Variants in TMCC1 observed in about 807,000 individuals in gnomAD.
TMCC1 encodes the protein transmembrane and coiled-coil domains protein 1.
In TMCC1, 15 loss-of-function variants were observed where a neutral mutation model predicts 52.4. The ratio of observed to expected loss-of-function variants is 0.29; its 90% CI spans 0.19 to 0.44. The LOEUF is 0.44. Among genes scored for constraint, TMCC1 ranks in the 20% least tolerant of loss-of-function variants. The pLI, the probability that TMCC1 is intolerant of heterozygous loss-of-function variation, is 1.00. For synonymous variants in TMCC1, 279 were observed against 301.9 expected (o/e 0.92, Z 0.79); for missense variants, 503 against 806.0 (o/e 0.62, Z 4.55).
At chr3:129,701,887 A>G (rs2047863845) in intron 4 of TMCC1, among the ~76,000 whole-genome samples, 5 of 152,210 alleles carry the variant, frequency 3.3e-5, no homozygotes, top group Admixed American at 3.3e-4. Context: ...ATTTCCAAGT[A>G]CTACTTACAA....
chr3:129,859,651 TACACACACACAC>T (rs59213877), intron 2 of TMCC1, among the ~76,000 whole-genome samples: 1,616 of 147,918 alleles, frequency 0.011, 13 homozygotes, highest in Non-Finnish European at 0.017. Context: ...CACACACACA[TACACACACACAC>T]ACACACACAC....
In TMCC1 at chr3:129,821,886, A is replaced by G. The variant is rs370684765; in HGVS notation, c.576+5917T>C. Among the ~76,000 whole-genome samples, 7 of 152,084 alleles carry G rather than the reference A, an allele frequency of 4.6e-5. No individual in the cohort carries two copies. The East Asian group carries it at 1.4e-3, about 30-fold the overall frequency. Reference sequence around the variant, plus strand: ...TCAAGACCAGCCTGGGCAACACCGCAAAACTCCTCTACAAAAAAATACAAA... The same window carrying G: ...TCAAGACCAGCCTGGGCAACACCGCGAAACTCCTCTACAAAAAAATACAAA... On this transcript the variant is annotated intron_variant, in intron 4 of 6. Transcript: ENST00000393238.
Position 129,806,329 on chromosome 3 carries a change from C to T in TMCC1, c.576+21474G>A, listed in dbSNP as rs114177348. 7.0e-3 allele frequency among the ~76,000 whole-genome samples: 1,067 copies of T among 152,292 alleles called. 11 individuals carry two copies. Among genetic ancestry groups the T allele is most frequent in the African/African-American group, 0.024 (1,018 of 41,552 alleles). On this transcript the variant is annotated intron_variant, in intron 4 of 6. Coordinates refer to ENST00000393238, the MANE Select transcript of TMCC1 (RefSeq NM_001017395.5). ...AAATTATGAAAGATGAAAAACAGATCATCATTCTGAGGACAGATAGACTAA... is the reference window on the plus strand; with the variant it reads ...AAATTATGAAAGATGAAAAACAGATTATCATTCTGAGGACAGATAGACTAA...
chr3:129,858,403 C>T (rs2060239402), intron 2 of TMCC1, among the ~76,000 whole-genome samples: 1 of 152,060 alleles, frequency 6.6e-6, no homozygotes, highest in Non-Finnish European at 1.5e-5. Context: ...GACAGTGTCA[C>T]TCTGTCACTC....
chr3:129,665,408 A>G (rs1342728909), intron 5 of TMCC1, among the ~76,000 whole-genome samples: 1 of 152,242 alleles, frequency 6.6e-6, no homozygotes, highest in Non-Finnish European at 1.5e-5. Context: ...AAACACATTA[A>G]GCGAAGGACA....
At chr3:129,671,593 C>T (rs1212036474) in intron 4 of TMCC1, among the ~76,000 whole-genome samples, 1 of 152,168 alleles carries the variant, frequency 6.6e-6, no homozygotes, top group Non-Finnish European at 1.5e-5. Context: ...TTTCTTTACA[C>T]ATAATTTTTA....
At chr3:129,679,354 G>A (rs766779201) in intron 4 of TMCC1, among the ~76,000 whole-genome samples, 3 of 152,136 alleles carry the variant, frequency 2.0e-5, no homozygotes, top group Non-Finnish European at 2.9e-5. Context: ...CATCCAGGCT[G>A]GAGTGCAGTG....
intron 4 of TMCC1, among the ~76,000 whole-genome samples, chr3:129,769,916 G>T (rs2054417467): frequency 6.6e-6 from 1 of 152,122 alleles, no homozygotes; most frequent in Admixed American, 6.5e-5. Flanking sequence ...CAACGGAGAA[G>T]AATTTGTCTA....
intron 4 of TMCC1, among the ~76,000 whole-genome samples, chr3:129,759,382 C>G (rs919614696): frequency 4.0e-5 from 6 of 151,600 alleles, no homozygotes; most frequent in African/African-American, 1.5e-4. Flanking sequence ...ATTCTCCTGC[C>G]TCATCCTCCC....
At chr3:129,678,359 C>CTCT (rs1553816944) in intron 4 of TMCC1, among the ~76,000 whole-genome samples, 1 of 117,202 alleles carries the variant, frequency 8.5e-6, no homozygotes, top group African/African-American at 3.4e-5. Flanking sequence ...TTGTTTAATT[C>CTCT]TTTTTTTTTT....
intron 4 of TMCC1, among the ~76,000 whole-genome samples, chr3:129,791,452 T>G (rs553155305): frequency 6.6e-6 from 1 of 152,278 alleles, no homozygotes; most frequent in East Asian, 1.9e-4. Flanking sequence ...GTTTGCTTGT[T>G]AGACCTACGT....
chr3:129,746,194 G>A (rs551919040), intron 4 of TMCC1, among the ~76,000 whole-genome samples: 222 of 151,860 alleles, frequency 1.5e-3, no homozygotes, highest in Non-Finnish European at 2.6e-3. Flanking sequence ...TCCTGAGATG[G>A]AGTCCTGCTC....
chr3:129,677,868 T>C (rs989779054), intron 4 of TMCC1, among the ~76,000 whole-genome samples: 2 of 152,232 alleles, frequency 1.3e-5, no homozygotes, highest in African/African-American at 4.8e-5. Context: ...CCCTTAATAC[T>C]AGACTCAGAT....
chr3:129,789,696 G>C (rs1460404145), intron 4 of TMCC1, among the ~76,000 whole-genome samples: 3 of 152,090 alleles, frequency 2.0e-5, no homozygotes, highest in African/African-American at 7.2e-5. Flanking sequence ...TAGCCAGGAT[G>C]GTCTCGATCT....
chr3:129,788,753 C>T (rs760372317), intron 4 of TMCC1, among the ~76,000 whole-genome samples: 1 of 151,910 alleles, frequency 6.6e-6, no homozygotes, highest in Non-Finnish European at 1.5e-5. Context: ...CAGGCGTGAG[C>T]CACCACACCT....
At chr3:129,760,679 G>A (rs914310257) in intron 4 of TMCC1, among the ~76,000 whole-genome samples, 12 of 151,632 alleles carry the variant, frequency 7.9e-5, no homozygotes, top group Non-Finnish European at 1.3e-4. Flanking sequence ...GGGTTTCACC[G>A]TGTTAGCCAG....
intron 4 of TMCC1, among the ~76,000 whole-genome samples, chr3:129,722,538 T>G (rs983616331): frequency 8.5e-5 from 13 of 152,218 alleles, no homozygotes; most frequent in African/African-American, 2.9e-4. Context: ...ATACTGTCTC[T>G]ACTCTTATAA....
intron 2 of TMCC1, among the ~76,000 whole-genome samples, chr3:129,843,361 G>A (rs2059512699): frequency 6.6e-6 from 1 of 151,498 alleles, no homozygotes; most frequent in African/African-American, 2.4e-5. Context: ...AAAAAAGAAG[G>A]AAAAAATAAT....
At chr3:129,759,370 C>A (rs537076600) in intron 4 of TMCC1, among the ~76,000 whole-genome samples, 2 of 151,052 alleles carry the variant, frequency 1.3e-5, no homozygotes, top group African/African-American at 2.4e-5. Context: ...TGGTTTCAAG[C>A]GATTCTCCTG....
Sources: allele counts gnomAD v4.1 joint callset (sites outside exome capture counted in the v4.1 genomes callset), GRCh38; gene constraint gnomAD v4.1.1; transcripts MANE v1.5; gene names NCBI Gene and HGNC (gene_info 2026-07-23, HGNC 2026-07-21).